ZNF385B: variants seen among roughly 807,000 people sequenced by gnomAD.
ZNF385B encodes zinc finger protein 385B.
A neutral mutation model predicts 39.2 loss-of-function variants in ZNF385B; 23 were observed. The observed-to-expected ratio is 0.59, with a 90% confidence interval of 0.42 to 0.83. The LOEUF (loss-of-function observed/expected upper bound fraction) is 0.83. ZNF385B is among the 40% of genes least tolerant of loss of function. The pLI, the probability that ZNF385B is intolerant of heterozygous loss-of-function variation, is 0.00. For synonymous variants in ZNF385B, 205 were observed against 222.6 expected (o/e 0.92, Z 0.70); for missense variants, 552 against 598.9 (o/e 0.92, Z 0.82).
intron 3 of ZNF385B, among the ~76,000 whole-genome samples, chr2:179,719,116 A>G (rs1700518739): frequency 1.3e-5 from 2 of 151,952 alleles, no homozygotes; most frequent in African/African-American, 4.8e-5. Flanking sequence ...CTAAGTTTCT[A>G]TATGTTGCCC....
intron 1 of ZNF385B, among the ~76,000 whole-genome samples, chr2:179,829,484 A>G (rs1175871864): frequency 6.6e-6 from 1 of 152,190 alleles, no homozygotes; most frequent in Non-Finnish European, 1.5e-5. Flanking sequence ...CATGGGGGAA[A>G]ATCTAGGTAA....
intron 5 of ZNF385B, among the ~76,000 whole-genome samples, chr2:179,503,144 G>A (rs768435360): frequency 1.3e-5 from 2 of 152,140 alleles, no homozygotes; most frequent in South Asian, 4.1e-4. Flanking sequence ...CCAAGTGTTG[G>A]GAAGACAGGC....
At chr2:179,480,082 C>A (rs1314590905) in intron 6 of ZNF385B, among the ~76,000 whole-genome samples, 1 of 152,178 alleles carries the variant, frequency 6.6e-6, no homozygotes, top group East Asian at 1.9e-4. Context: ...TTGTGAGTGC[C>A]TGCATAGTTG....
chr2:179,850,383 C>A (rs1158281086), intron 1 of ZNF385B, among the ~76,000 whole-genome samples: 1 of 152,174 alleles, frequency 6.6e-6, no homozygotes, highest in Non-Finnish European at 1.5e-5. Flanking sequence ...CATGAAACTT[C>A]AAGGCAGCCA....
chr2:179,655,447 T>C (rs535592521), intron 3 of ZNF385B, among the ~76,000 whole-genome samples: 1 of 151,936 alleles, frequency 6.6e-6, no homozygotes, highest in Admixed American at 6.6e-5. Context: ...CATTGGAGTT[T>C]TGTCTCTAGA....
chr2:179,756,487 G>A (rs1310128475), intron 3 of ZNF385B, among the ~76,000 whole-genome samples: 1 of 152,064 alleles, frequency 6.6e-6, no homozygotes, highest in Non-Finnish European at 1.5e-5. Flanking sequence ...GAGTATCTTT[G>A]TGGCATTCTC....
In ZNF385B at chr2:179,714,942, CAA is replaced by C. The variant is rs34449760; in HGVS notation, c.298+54559_298+54560del. On this transcript the variant is annotated intron_variant, in intron 3 of 9. Coordinates refer to ENST00000410066, the MANE Select transcript of ZNF385B (RefSeq NM_152520.6). ...TGGGTAACAAAGCGAGATTCTATCT[CAA>C]AAAAAAAAAAAAAAAAACAGTTTCC... Among the ~76,000 whole-genome samples, 7 of 79,252 alleles carry C rather than the reference CAA, an allele frequency of 8.8e-5. 1 individual carries two copies. The highest frequency in any genetic ancestry group is 1.6e-3 in the East Asian group (2 of 1,252). 52.0% of individuals were successfully genotyped at this position (79,252 alleles called of 152,430 possible).
At chr2:179,799,075 A>G (rs757174746) in intron 1 of ZNF385B, among the ~76,000 whole-genome samples, 1 of 152,060 alleles carries the variant, frequency 6.6e-6, no homozygotes, top group Admixed American at 6.6e-5. Flanking sequence ...TACACTATAT[A>G]TACATTTATT....
chr2:179,753,839 C>T (rs921210174), intron 3 of ZNF385B, among the ~76,000 whole-genome samples: 24 of 152,148 alleles, frequency 1.6e-4, no homozygotes, highest in African/African-American at 2.4e-4. Flanking sequence ...TGGGCTGAGA[C>T]GATGGGGTTT....
At chr2:179,618,645 T>C (rs1015986758) in intron 3 of ZNF385B, among the ~76,000 whole-genome samples, 10 of 152,206 alleles carry the variant, frequency 6.6e-5, no homozygotes, top group Non-Finnish European at 1.3e-4. Context: ...AAGCTAATGA[T>C]AGCATCTCCT....
intron 6 of ZNF385B, among the ~76,000 whole-genome samples, chr2:179,453,796 A>G (rs1479990450): frequency 6.6e-6 from 1 of 152,138 alleles, no homozygotes; most frequent in Non-Finnish European, 1.5e-5. Flanking sequence ...TGAAGTGTGG[A>G]CCTTTAGTGG....
intron 3 of ZNF385B, among the ~76,000 whole-genome samples, chr2:179,708,000 A>G (rs550174864): frequency 8.1e-4 from 123 of 152,314 alleles, no homozygotes; most frequent in African/African-American, 2.9e-3. Context: ...CAGAATCTCA[A>G]TAAGAGCAGT....
chr2:179,794,083 G>A (rs1433188218), intron 1 of ZNF385B, among the ~76,000 whole-genome samples: 2 of 152,154 alleles, frequency 1.3e-5, no homozygotes, highest in Non-Finnish European at 2.9e-5. Flanking sequence ...GCCTTTCTGT[G>A]TTGCCTCCAA....
At chr2:179,680,252 T>C (rs1697396996) in intron 3 of ZNF385B, among the ~76,000 whole-genome samples, 2 of 152,278 alleles carry the variant, frequency 1.3e-5, no homozygotes, top group Admixed American at 6.5e-5. Context: ...ATAAATAAAA[T>C]GGAACTTCCT....
intron 1 of ZNF385B, among the ~76,000 whole-genome samples, chr2:179,809,424 C>T (rs918871572): frequency 7.9e-5 from 12 of 152,024 alleles, no homozygotes; most frequent in African/African-American, 2.9e-4. Flanking sequence ...TAGTAATGCC[C>T]CACTTAACTA....
chr2:179,550,746 A>G (rs1037551151), intron 3 of ZNF385B, among the ~76,000 whole-genome samples: 1 of 149,266 alleles, frequency 6.7e-6, no homozygotes, highest in African/African-American at 2.5e-5. Context: ...ATTTTTTTGA[A>G]CAAGTTATTT....
At chr2:179,523,805 A>G (rs113784864) in intron 4 of ZNF385B, among the ~76,000 whole-genome samples, 1,574 of 152,214 alleles carry the variant, frequency 0.01, 31 homozygotes, top group African/African-American at 0.036. Flanking sequence ...TGTACTATTT[A>G]TTTTATTCTC....
intron 3 of ZNF385B, among the ~76,000 whole-genome samples, chr2:179,621,887 C>T (rs1690247450): frequency 6.6e-6 from 1 of 152,106 alleles, no homozygotes; most frequent in South Asian, 2.1e-4. Flanking sequence ...AAAGACTTGC[C>T]TCATGTTAAA....
intron 3 of ZNF385B, among the ~76,000 whole-genome samples, chr2:179,656,929 C>T (rs1297181515): frequency 6.6e-6 from 1 of 152,078 alleles, no homozygotes; most frequent in African/African-American, 2.4e-5. Flanking sequence ...ATTGTATGGG[C>T]TTAGAGCTTT....
Sources: allele counts gnomAD v4.1 joint callset (sites outside exome capture counted in the v4.1 genomes callset), GRCh38; gene constraint gnomAD v4.1.1; transcripts MANE v1.5; gene names NCBI Gene and HGNC (gene_info 2026-07-23, HGNC 2026-07-21).